The following C2CD3 variants were observed in gnomAD, a reference collection of about 807,000 sequenced individuals.
The protein encoded by C2CD3 is C2 domain containing 3 centriole elongation regulator, also known as C2 domain-containing protein 3.
Under a neutral mutation model 234.0 loss-of-function variants are expected in C2CD3, and 148 were observed. The ratio of observed to expected loss-of-function variants is 0.63; its 90% CI spans 0.55 to 0.72. The LOEUF (loss-of-function observed/expected upper bound fraction) is 0.72. Among genes scored for constraint, C2CD3 ranks in the 30% least tolerant of loss-of-function variants. The probability of loss-of-function intolerance (pLI) is 0.00; values close to 1 mark genes in which losing one functional copy is unlikely to be tolerated. For missense variants in C2CD3, 2,577 were observed against 2,811.5 expected (o/e 0.92, Z 1.89); for synonymous variants, 1,000 against 1,035.4 (o/e 0.97, Z 0.66).
rs1347542964 is a variant in C2CD3 at position 74,042,162 on chromosome 11, C to T, written c.5552G>A (p.Arg1851His). 20 of 1,610,036 alleles carry T rather than the reference C, an allele frequency of 1.2e-5. No individual in the cohort carries two copies. The highest frequency in any genetic ancestry group is 1.7e-5 in the Admixed American group (1 of 59,416). ...AAGATGCAGGGATTCATGAAACCGG[C>T]GAATGTTCTGCACATGCTCTTCATG... ...SRHEEHVQNI[R>H]RFHESLHLQG... Residue 1851 changes from arginine (R) to histidine (H), a missense_variant, in exon 29 of 33, where the codon CGC (arginine) becomes CAC (histidine). Arg to His is a conservative substitution (Grantham distance 29). Transcript: ENST00000334126.
At chr11:74,157,688 C>T (rs1856126915) in intron 3 of C2CD3, among the ~76,000 whole-genome samples, 1 of 152,070 alleles carries the variant, frequency 6.6e-6, no homozygotes, top group South Asian at 2.1e-4. Flanking sequence ...TTTCTCTATA[C>T]ATTTTAGAAT....
chr11:74,103,839 G>A (rs1385182861), intron 13 of C2CD3, among the ~76,000 whole-genome samples: 2 of 152,186 alleles, frequency 1.3e-5, no homozygotes, highest in Non-Finnish European at 1.5e-5. Context: ...GATGAGCCTG[G>A]AAGATCAAGT....
intron 8 of C2CD3, among the ~76,000 whole-genome samples, chr11:74,119,234 A>G (rs751011402): frequency 2.0e-5 from 3 of 152,014 alleles, no homozygotes; most frequent in Admixed American, 6.6e-5. Context: ...TCACCATTCT[A>G]TACTACAAAT....
At chr11:74,163,946 A>G (rs1351065533) in intron 2 of C2CD3, among the ~76,000 whole-genome samples, 1 of 152,188 alleles carries the variant, frequency 6.6e-6, no homozygotes, top group Non-Finnish European at 1.5e-5. Flanking sequence ...TAACAACTCT[A>G]CGATACTGGT....
intron 24 of C2CD3, among the ~76,000 whole-genome samples, chr11:74,064,900 C>T (rs529271957): frequency 3.6e-4 from 55 of 152,262 alleles, no homozygotes; most frequent in Admixed American, 1.9e-3. Context: ...CTTTCTTACA[C>T]CTTATACAAA....
At chr11:74,019,148 A>G (rs1166341490) in intron 32 of C2CD3, among the ~76,000 whole-genome samples, 1 of 152,132 alleles carries the variant, frequency 6.6e-6, no homozygotes, top group Non-Finnish European at 1.5e-5. Context: ...TCCAAAGTCC[A>G]GGTTTTGAGA....
At position 74,041,740 on chromosome 11, in the gene C2CD3, C is replaced by T. The variant is rs893636522; in HGVS notation, c.5660+314G>A. 5.4e-4 allele frequency among the ~76,000 whole-genome samples: 82 copies of T among 152,214 alleles called. 1 individual carries two copies. Among genetic ancestry groups the T allele is most frequent in the African/African-American group, 1.9e-3 (80 of 41,540 alleles). ...TTAACAGGACAGAGGCTGGTCTGGA[C>T]GAAGTAAATGGTTGTGAGGTTGTGA... On this transcript the variant is annotated intron_variant, in intron 29 of 32. Coordinates refer to ENST00000334126, the MANE Select transcript of C2CD3 (RefSeq NM_001286577.2).
intron 29 of C2CD3, among the ~76,000 whole-genome samples, chr11:74,038,038 G>A (rs1464241292): frequency 2.0e-5 from 3 of 152,128 alleles, no homozygotes; most frequent in African/African-American, 4.8e-5. Context: ...CCTACTCTGC[G>A]CTAACACTGT....
intron 3 of C2CD3, among the ~76,000 whole-genome samples, chr11:74,143,875 G>A (rs1329952751): frequency 6.6e-6 from 1 of 151,930 alleles, no homozygotes; most frequent in Admixed American, 6.6e-5. Flanking sequence ...TTTTTCAGAA[G>A]GTTTTAAGCT....
At chr11:74,045,860 A>G (rs943429992) in intron 28 of C2CD3, among the ~76,000 whole-genome samples, 1 of 152,170 alleles carries the variant, frequency 6.6e-6, no homozygotes, top group Non-Finnish European at 1.5e-5. Context: ...GGCATGAGAG[A>G]CCACGCCCAG....
At chr11:74,092,099 C>T (rs767873267) in intron 19 of C2CD3, among the ~76,000 whole-genome samples, 1 of 151,574 alleles carries the variant, frequency 6.6e-6, no homozygotes, top group Non-Finnish European at 1.5e-5. Flanking sequence ...GTTGCCCAGG[C>T]TGGAGTACAA....
chr11:74,161,423 C>A lies in C2CD3; in HGVS notation c.459G>T (p.Thr153=), dbSNP rs542393765. The part of the protein sequence containing the change: ...INGFFTIVSS[T]SKKLGELQVS... The stretch of plus-strand genomic sequence containing the variant: ...CCTGGAGTTCTCCAAGTTTCTTAGA[C>A]GTTGATGAAACAATGGTAAAAAATC... Residue 153 remains threonine, a synonymous_variant, in exon 3 of 33, where the codon ACG becomes ACT. Coordinates refer to ENST00000334126, the MANE Select transcript of C2CD3 (RefSeq NM_001286577.2). 6.3e-7 allele frequency: 1 copy of A among 1,589,398 alleles called. No homozygotes were observed. Among genetic ancestry groups the A allele is most frequent in the Non-Finnish European group, 8.6e-7 (1 of 1,169,494 alleles).
At chr11:74,024,445 G>A (rs1214528982) in intron 32 of C2CD3, among the ~76,000 whole-genome samples, 3 of 152,194 alleles carry the variant, frequency 2.0e-5, no homozygotes, top group Non-Finnish European at 4.4e-5. Context: ...ATCAGGATGT[G>A]AAGAAGAAAT....
chr11:74,117,048 G>GTA lies in C2CD3; in HGVS notation c.1520+1178_1520+1179dup, dbSNP rs1170094543. On this transcript the variant is annotated intron_variant, in intron 9 of 32. Coordinates refer to ENST00000334126, the MANE Select transcript of C2CD3 (RefSeq NM_001286577.2). ...TGTATATGTATATATACGTGTGTGT[G>GTA]TATATATATATGAATATATATATAT... is the stretch of plus-strand genomic sequence containing the variant. 6.1e-5 allele frequency among the ~76,000 whole-genome samples: 3 copies of GTA among 49,040 alleles called. 1 individual carries two copies. The highest frequency in any genetic ancestry group is 1.5e-4 in the African/African-American group (2 of 12,964). 32.2% of individuals were successfully genotyped at this position (49,040 alleles called of 152,430 possible). A position where few individuals can be genotyped will look rare whatever the true frequency, so the allele number is the denominator to read the frequency against.
At chr11:74,161,669 T>G in intron 2 of C2CD3, 113 bp from the exon 3 acceptor site, 1 of 590,414 alleles carries the variant, frequency 1.7e-6, no homozygotes. Context: ...AAAAAATATT[T>G]TATGTTGGAT....
intron 28 of C2CD3, 108 bp from the exon 29 acceptor site, chr11:74,042,326 T>G (rs112428481): frequency 3.6e-6 from 4 of 1,122,942 alleles, no homozygotes; most frequent in Admixed American, 2.5e-5. Flanking sequence ...GGAATGCAAA[T>G]CTATCCCCAC....
rs1590999447 is a variant in C2CD3 at position 74,170,753 on chromosome 11, C to G, written c.40G>C (p.Gly14Arg). ...RKGQGSGGSR[G>R]RKKRGLSDIS... The stretch of plus-strand genomic sequence containing the variant: ...CTCAGGTTACCTCTTTTTTTGCGCC[C>G]ACGGCTGCCCCCAGACCCTTGGCCT... Residue 14 changes from glycine to arginine, a missense_variant, in exon 1 of 33, where the codon GGG (glycine) becomes CGG (arginine). Transcript: ENST00000334126. 6.2e-7 allele frequency: 1 copy of G among 1,613,956 alleles called. No homozygotes were observed. Among genetic ancestry groups the G allele is most frequent in the South Asian group, 1.1e-5 (1 of 91,086 alleles).
At chr11:74,059,950 A>G (rs929680259) in intron 24 of C2CD3, among the ~76,000 whole-genome samples, 1 of 152,108 alleles carries the variant, frequency 6.6e-6, no homozygotes, top group African/African-American at 2.4e-5. Context: ...GCCTTAGCAA[A>G]CGGCACACCA....
chr11:74,103,092 C>A (rs1199918476), intron 14 of C2CD3, 39 bp downstream of exon 14: 1 of 1,561,568 alleles, frequency 6.4e-7, no homozygotes, highest in South Asian at 1.2e-5. Context: ...GTCTCTCACC[C>A]CTATATTCCT....
Sources: allele counts gnomAD v4.1 joint callset (sites outside exome capture counted in the v4.1 genomes callset), GRCh38; gene constraint gnomAD v4.1.1; transcripts MANE v1.5; gene names NCBI Gene and HGNC (gene_info 2026-07-23, HGNC 2026-07-21).